B3GLCT: variants seen among roughly 807,000 people sequenced by gnomAD.
B3GLCT encodes the protein beta-1,3-glucosyltransferase.
Under a neutral mutation model 63.4 loss-of-function variants are expected in B3GLCT, and 65 were observed. That is an observed-to-expected ratio of 1.03 (90% confidence interval 0.84 to 1.26). B3GLCT has a LOEUF of 1.26. B3GLCT is among the 50% of genes most tolerant of loss of function. The pLI, the probability that B3GLCT is intolerant of heterozygous loss-of-function variation, is 0.00. For synonymous variants in B3GLCT, 233 were observed against 219.2 expected, an observed-to-expected ratio of 1.06 and a Z score of -0.55; for missense variants, 577 against 604.8, an observed-to-expected ratio of 0.95 and a Z score of 0.48.
rs1281367967 is a variant in B3GLCT, at chr13:31,200,052, G to A, written c.-33G>A. 1.1e-5 allele frequency: 14 copies of A among 1,316,346 alleles called. No homozygotes were observed. Among genetic ancestry groups the A allele is most frequent in the Admixed American group, 8.5e-5 (3 of 35,460 alleles). The allele number at this position is 1,316,346 out of a possible 1,614,324, so 81.5% of individuals were successfully genotyped here. Reference sequence around the variant, plus strand: ...CTCCCCGCGCGTCTCCCTTCCCCGCGCCCAGGTAGGGCGCTCAGCCTCCGC... The same window carrying A: ...CTCCCCGCGCGTCTCCCTTCCCCGCACCCAGGTAGGGCGCTCAGCCTCCGC... On this transcript the variant is annotated 5_prime_UTR_variant, in exon 1 of 15. Coordinates refer to ENST00000343307, the MANE Select transcript of B3GLCT (RefSeq NM_194318.4).
At chr13:31,253,761 A>C (rs1175779254) in intron 6 of B3GLCT, among the ~76,000 whole-genome samples, 2 of 152,016 alleles carry the variant, frequency 1.3e-5, no homozygotes, top group African/African-American at 4.8e-5. Context: ...TTTTTTGAAA[A>C]GATCAACAAA....
At chr13:31,259,077 T>G (rs1438479723) in intron 6 of B3GLCT, among the ~76,000 whole-genome samples, 1 of 152,216 alleles carries the variant, frequency 6.6e-6, no homozygotes, top group African/African-American at 2.4e-5. Flanking sequence ...ACTTCAGTTC[T>G]TTCATTAAGT....
At chr13:31,244,766 T>C (rs958009172) in intron 4 of B3GLCT, among the ~76,000 whole-genome samples, 1 of 152,168 alleles carries the variant, frequency 6.6e-6, no homozygotes, top group Non-Finnish European at 1.5e-5. Flanking sequence ...TATGTGTGTA[T>C]ATGTATATGA....
chr13:31,217,849 G>T (rs1418936756), intron 2 of B3GLCT, among the ~76,000 whole-genome samples: 1 of 152,198 alleles, frequency 6.6e-6, no homozygotes, highest in Non-Finnish European at 1.5e-5. Context: ...AATATAGTTT[G>T]AAGTCAGGTA....
intron 14 of B3GLCT, among the ~76,000 whole-genome samples, chr13:31,326,964 A>G (rs1461628556): frequency 6.6e-6 from 1 of 152,082 alleles, no homozygotes; most frequent in African/African-American, 2.4e-5. Flanking sequence ...TTTTCCTGTT[A>G]GATGCATTTC....
At chr13:31,235,544 G>C (rs765662324) in intron 4 of B3GLCT, among the ~76,000 whole-genome samples, 8 of 151,752 alleles carry the variant, frequency 5.3e-5, no homozygotes, top group Non-Finnish European at 1.0e-4. Flanking sequence ...TCAGTAATGC[G>C]ACATTCTCTG....
intron 2 of B3GLCT, among the ~76,000 whole-genome samples, chr13:31,221,588 T>G (rs1869815182): frequency 6.6e-6 from 1 of 152,202 alleles, no homozygotes; most frequent in African/African-American, 2.4e-5. Context: ...CAGTGGCATT[T>G]CTAGTCTCGA....
intron 10 of B3GLCT, among the ~76,000 whole-genome samples, chr13:31,282,502 C>T (rs901096125): frequency 4.0e-5 from 6 of 151,812 alleles, no homozygotes; most frequent in Non-Finnish European, 5.9e-5. Context: ...ATTAGCCGGG[C>T]GTGGTGGCGG....
intron 1 of B3GLCT, among the ~76,000 whole-genome samples, chr13:31,209,164 G>A (rs1869133400): frequency 1.3e-5 from 2 of 152,232 alleles, no homozygotes; most frequent in Non-Finnish European, 2.9e-5. Context: ...CATGGTAGAT[G>A]GAGCTGCTAC....
At chr13:31,206,462 C>T (rs1020989319) in intron 1 of B3GLCT, among the ~76,000 whole-genome samples, 1 of 151,878 alleles carries the variant, frequency 6.6e-6, no homozygotes, top group African/African-American at 2.4e-5. Context: ...TGATCAAGCC[C>T]GGGCGCAGTG....
chr13:31,273,709 A>G (rs1872664707), intron 8 of B3GLCT, among the ~76,000 whole-genome samples: 1 of 152,170 alleles, frequency 6.6e-6, no homozygotes, highest in Non-Finnish European at 1.5e-5. Context: ...GTAAGGATTT[A>G]CATTAGCTTC....
In B3GLCT at chr13:31,330,406, A is replaced by G. The variant is rs970012442; in HGVS notation, c.*738A>G. The G allele has an allele frequency of 3.3e-5, 5 of 152,358 alleles. No homozygotes were observed. The South Asian group carries it at 1.0e-3, about 32-fold the overall frequency. The allele number at this position is 152,358 out of a possible 1,614,324, so 9.4% of individuals were successfully genotyped here. Reference sequence around the variant, plus strand: ...CCTATCTTTATGGCTTACTTGTAACATGAAAGTAGTAGATGCTGCCAGAAA... The same window carrying G: ...CCTATCTTTATGGCTTACTTGTAACGTGAAAGTAGTAGATGCTGCCAGAAA... On this transcript the variant is annotated 3_prime_UTR_variant, in exon 15 of 15. Coordinates refer to ENST00000343307, the MANE Select transcript of B3GLCT (RefSeq NM_194318.4).
intron 12 of B3GLCT, among the ~76,000 whole-genome samples, chr13:31,296,329 A>G (rs548120002): frequency 6.6e-5 from 10 of 152,346 alleles, no homozygotes; most frequent in Admixed American, 5.2e-4. Flanking sequence ...CTGGAGGGCT[A>G]GAAGCCTGAG....
intron 9 of B3GLCT, among the ~76,000 whole-genome samples, chr13:31,276,233 C>T (rs1478329859): frequency 3.3e-5 from 5 of 152,170 alleles, no homozygotes; most frequent in African/African-American, 9.7e-5. Context: ...ATGTTTTCAA[C>T]ATTAAAGTAA....
intron 8 of B3GLCT, among the ~76,000 whole-genome samples, chr13:31,272,329 C>T (rs1872606108): frequency 6.6e-6 from 1 of 151,776 alleles, no homozygotes; most frequent in South Asian, 2.1e-4. Flanking sequence ...AGTTCGCTGC[C>T]TTAGCCCCCT....
intron 12 of B3GLCT, among the ~76,000 whole-genome samples, chr13:31,293,317 C>A (rs1447331663): frequency 6.6e-6 from 1 of 152,086 alleles, no homozygotes; most frequent in Non-Finnish European, 1.5e-5. Context: ...TCTATTAGGT[C>A]TGCTTGGTCC....
intron 12 of B3GLCT, among the ~76,000 whole-genome samples, chr13:31,296,559 C>T (rs948574875): frequency 6.6e-6 from 1 of 152,164 alleles, no homozygotes; most frequent in Admixed American, 6.5e-5. Context: ...TAGATTTCAA[C>T]ATATGATAAA....
chr13:31,254,311 A>T (rs1270274830), intron 6 of B3GLCT, among the ~76,000 whole-genome samples: 6 of 152,232 alleles, frequency 3.9e-5, no homozygotes, highest in African/African-American at 1.2e-4. Context: ...GCAGCACATC[A>T]AAAAACTTAT....
In B3GLCT at chr13:31,314,040, C is replaced by T. The variant is rs141716948; in HGVS notation, c.1065-3526C>T. On this transcript the variant is annotated intron_variant, in intron 12 of 14. Transcript: ENST00000343307. ...CAGCTTCCATGTGGTGTTGAGCCTG[C>T]GGGTACACAGAAGTTAAGAATTAAG... 4.1e-3 allele frequency among the ~76,000 whole-genome samples: 618 copies of T among 152,276 alleles called. 3 individuals carry two copies. Among genetic ancestry groups the T allele is most frequent in the African/African-American group, 0.014 (580 of 41,552 alleles).
Sources: gnomAD v4.1 joint callset for allele counts (sites outside exome capture counted in the v4.1 genomes callset) on GRCh38, gnomAD v4.1.1 for gene constraint, MANE v1.5 for transcripts, NCBI Gene and HGNC (gene_info 2026-07-23, HGNC 2026-07-21) for gene names.